Variants in IGSF1 observed in about 807,000 individuals in gnomAD.
The protein encoded by IGSF1 is immunoglobulin superfamily member 1, also known as immunoglobulin-like domain-containing protein 1.
In IGSF1, 40 loss-of-function variants were observed where a neutral mutation model predicts 95.3. That is an observed-to-expected ratio of 0.42 (90% CI 0.33 to 0.55). The LOEUF (loss-of-function observed/expected upper bound fraction) is 0.55. Among genes scored for constraint, IGSF1 ranks in the 20% least tolerant of loss-of-function variants. The probability of loss-of-function intolerance (pLI) is 0.10; values close to 1 mark genes in which losing one functional copy is unlikely to be tolerated. For missense variants in IGSF1, 906 were observed against 1,025.4 expected (o/e 0.88, Z 1.59); for synonymous variants, 372 against 382.9 (o/e 0.97, Z 0.33).
chrX:131,277,773 T>C (rs949627649), intron 13 of IGSF1, 83 bp downstream of exon 13: 3 of 1,043,983 alleles, frequency 2.9e-6, no homozygotes, highest in Non-Finnish European at 3.9e-6. Context: ...CAAAGTTTGC[T>C]GCAGGGAGAG....
chrX:131,287,904 A>G (rs906805113), intron 1 of IGSF1, among the ~76,000 whole-genome samples: 2 of 111,614 alleles, frequency 1.8e-5, no homozygotes, highest in Non-Finnish European at 3.8e-5. Flanking sequence ...CTGTTATTAA[A>G]TCTTAGCTCA....
At chrX:131,284,278 G>T in intron 5 of IGSF1, 1 of 182,240 alleles carries the variant, frequency 5.5e-6, no homozygotes, top group Non-Finnish European at 8.6e-6. Context: ...CAATTTTGCA[G>T]ATCAGGAAGC....
intron 7 of IGSF1, 125 bp downstream of exon 7, chrX:131,282,319 G>GTGTGTA (rs2031395001): frequency 3.8e-6 from 2 of 521,525 alleles, no homozygotes; most frequent in Non-Finnish European, 6.5e-6. Context: ...GCGTGTGTGT[G>GTGTGTA]TGTATGTGTG....
chrX:131,275,183 A>G lies in IGSF1; in HGVS notation c.3288T>C (p.Phe1096=). The change falls in exon 17 of 20, where the codon TTT becomes TTC. Residue 1096 remains phenylalanine (F), a synonymous_variant. Coordinates refer to ENST00000361420, the MANE Select transcript of IGSF1 (RefSeq NM_001555.5). ...QCQGELPDST[F]VLLKEGAQEP... ...CCTGAGCCCCCTCCTTCAACAGGAC[A>G]AATGTTGAGTCTGGCAGTTCCCCTT... is the stretch of plus-strand genomic sequence containing the variant. The G allele has an allele frequency of 8.3e-7, 1 of 1,211,305 alleles. No homozygotes were observed. Among genetic ancestry groups the G allele is most frequent in the Non-Finnish European group, 1.1e-6 (1 of 894,965 alleles).
At position 131,273,674 on chromosome X, in the gene IGSF1, A is replaced by G; in HGVS notation, c.*122T>C. On this transcript the variant is annotated 3_prime_UTR_variant, in exon 20 of 20. Transcript: ENST00000361420. ...TCAACTCCCAGAATCCCCTTTACCC[A>G]GCTCAGGTGATTAGAGACCAAGGAA... is the stretch of plus-strand genomic sequence containing the variant. 2.9e-6 allele frequency: 2 copies of G among 690,938 alleles called. No homozygotes were observed. The highest frequency in any genetic ancestry group is 3.1e-5 in the Admixed American group (1 of 32,643). 56.9% of individuals were successfully genotyped at this position (690,938 alleles called of 1,213,427 possible).
chrX:131,284,680 C>A lies in IGSF1; in HGVS notation c.667+499G>T, dbSNP rs948257829. 10 of 749,693 alleles carry A rather than the reference C, an allele frequency of 1.3e-5. No individual in the cohort carries two copies. The African/African-American group carries it at 2.1e-4, about 16-fold the overall frequency. 61.8% of individuals were successfully genotyped at this position (749,693 alleles called of 1,213,427 possible). Reference sequence around the variant, plus strand: ...TAGGGAACCAAGGTGATTTATAAAGCCATTTCTAAAATATGAGCTATCACA... The same window carrying A: ...TAGGGAACCAAGGTGATTTATAAAGACATTTCTAAAATATGAGCTATCACA... On this transcript the variant is annotated intron_variant, in intron 5 of 19. Coordinates refer to ENST00000361420, the MANE Select transcript of IGSF1 (RefSeq NM_001555.5).
chrX:131,281,093 G>C (rs188064515), intron 9 of IGSF1, 125 bp downstream of exon 9: 7 of 764,894 alleles, frequency 9.2e-6, no homozygotes, highest in African/African-American at 4.2e-5. Flanking sequence ...AGAAAGTCTT[G>C]TTCCCTAAGC....
Position 131,283,188 on chromosome X carries a change from G to A in IGSF1, c.744C>T (p.Cys248=), listed in dbSNP as rs142904635. The change falls in exon 6 of 20, where the codon TGC becomes TGT. Residue 248 remains cysteine, a synonymous_variant. Coordinates refer to ENST00000361420, the MANE Select transcript of IGSF1 (RefSeq NM_001555.5). The part of the protein sequence containing the change: ...MAPGESLNLR[C]QGPIYGMTFA... ...AGGTCATTCCATAGATTGGCCCTTG[G>A]CACCTGAGATTCAGGCTTTCTCCAG... The A allele has an allele frequency of 3.7e-5, 45 of 1,208,478 alleles. 1 individual carries two copies. In the African/African-American group the frequency reaches 6.5e-4, roughly 17 times the overall value.
In IGSF1 at chrX:131,286,040, G is replaced by T. The variant is rs1349637754; in HGVS notation, c.106C>A (p.Pro36Thr). The T allele has an allele frequency of 1.7e-6, 2 of 1,193,722 alleles. No individual in the cohort carries two copies. The highest frequency in any genetic ancestry group is 3.0e-5 in the East Asian group (1 of 33,579). Residue 36 changes from proline (P) to threonine (T), a missense_variant, in exon 4 of 20, where the codon CCT becomes ACT. Physicochemically the swap from Pro to Thr is conservative, Grantham distance 38. Around this residue, in one of 5 missense-constraint regions of IGSF1, gnomAD observed 442 missense variants for 448.1 expected, o/e 0.99. Coordinates refer to ENST00000361420, the MANE Select transcript of IGSF1 (RefSeq NM_001555.5). ...SLGMTSIVMD[P>T]QPELWIESNY... is the part of the protein sequence containing the mutation. ...GACTCTATCCACAACTCTGGTTGAG[G>T]GTCCATCACTGTTATTCCCAAAGAT...
chrX:131,287,654 CTCAGGAAATACGGCAAAGATAT>C (rs1400959953), intron 1 of IGSF1, among the ~76,000 whole-genome samples: 2 of 111,497 alleles, frequency 1.8e-5, no homozygotes, highest in African/African-American at 6.5e-5. Context: ...TTGTTTGAAT[CTCAGGAAATACGGCAAAGATAT>C]TTGAGTTCAG....
chrX:131,285,552 G>A, intron 4 of IGSF1, 86 bp from the exon 5 acceptor site: 1 of 1,004,723 alleles, frequency 1.0e-6, no homozygotes. Context: ...CTTTAATTGA[G>A]GTTTCCCTGT....
At position 131,282,727 on chromosome X, in the gene IGSF1, G is replaced by A. The variant is rs1341099131; in HGVS notation, c.963C>T (p.Pro321=). The A allele has an allele frequency of 4.2e-6, 5 of 1,203,879 alleles. No individual in the cohort carries two copies. The Admixed American group carries it at 6.6e-5, about 16-fold the overall frequency. The part of the protein sequence containing the change: ...VLKIWVTDTF[P]KTWLLARPSA... The stretch of plus-strand genomic sequence containing the variant: ...TGGGCCGAGCAAGTAGCCAGGTCTT[G>A]GGGAAAGTGTCTAGGATGAGACCCA... The change falls in exon 7 of 20, where the codon CCC becomes CCT. Residue 321 remains proline (P), a synonymous_variant. Coordinates refer to ENST00000361420, the MANE Select transcript of IGSF1 (RefSeq NM_001555.5).
rs774817393 is a variant in IGSF1, at chrX:131,278,045, C to G, written c.2131G>C (p.Gly711Arg). ...LRCKGWLAGM[G>R]FALYKEGEQE... ...TCTCCCTCCTTATACAGAGCAAACCCCATGCCTGCCAGCCATCCTTTGCAC... is the reference window on the plus strand; with the variant it reads ...TCTCCCTCCTTATACAGAGCAAACCGCATGCCTGCCAGCCATCCTTTGCAC... The change falls in exon 13 of 20, where the codon GGG (glycine) becomes CGG (arginine). Residue 711 changes from glycine (G) to arginine (R), a missense_variant. Physicochemically the swap from Gly to Arg is moderately radical, Grantham distance 125. This residue lies in a region of IGSF1 where 411 missense variants were observed against 494.9 expected (regional missense o/e 0.83). Coordinates refer to ENST00000361420, the MANE Select transcript of IGSF1 (RefSeq NM_001555.5). The G allele has an allele frequency of 3.3e-6, 4 of 1,210,970 alleles. No homozygotes were observed. Among genetic ancestry groups the G allele is most frequent in the Non-Finnish European group, 4.5e-6 (4 of 894,772 alleles).
In IGSF1 at chrX:131,285,098, T is replaced by A. The variant is rs775066492; in HGVS notation, c.667+81A>T. Reference sequence around the variant, plus strand: ...GGGCCTAGAAACTGGCTGAGGAAAGTAAAATCAGAAACCCTAGCTCAGCCA... The same window carrying A: ...GGGCCTAGAAACTGGCTGAGGAAAGAAAAATCAGAAACCCTAGCTCAGCCA... On this transcript the variant is annotated intron_variant, in intron 5 of 19. Transcript: ENST00000361420. 7.9e-5 allele frequency: 89 copies of A among 1,126,195 alleles called. 1 individual carries two copies. The South Asian group carries it at 2.0e-3, about 25-fold the overall frequency. The allele number at this position is 1,126,195 out of a possible 1,213,427, so 92.8% of individuals were successfully genotyped here. A position where few individuals can be genotyped will look rare whatever the true frequency, so the allele number is the denominator to read the frequency against.
rs1417077798 is a variant in IGSF1 at position 131,279,242 on chromosome X, C to T, written c.1717+29G>A. On this transcript the variant is annotated intron_variant, in intron 10 of 19. Transcript: ENST00000361420. The stretch of plus-strand genomic sequence containing the variant: ...CCGGGACTTCACCCCGGCCTTCTGC[C>T]CGGGGCCCCTTCCCCCACTTGTACT... 3.3e-6 allele frequency: 4 copies of T among 1,207,377 alleles called. No homozygotes were observed. The Admixed American group carries it at 8.7e-5, about 26-fold the overall frequency.
At position 131,282,853 on chromosome X, in the gene IGSF1, G is replaced by A. The variant is rs1245996587; in HGVS notation, c.953-116C>T. On this transcript the variant is annotated intron_variant, in intron 6 of 19. Coordinates refer to ENST00000361420, the MANE Select transcript of IGSF1 (RefSeq NM_001555.5). ...CCTTGGAAAAACCTGCCTACACCCA[G>A]TTTTACAAATTCTGCTCCCTTCTCT... The A allele has an allele frequency of 1.4e-5, 13 of 947,459 alleles. No homozygotes were observed. In the Admixed American group the frequency reaches 3.4e-4, roughly 25 times the overall value. 78.1% of individuals were successfully genotyped at this position (947,459 alleles called of 1,213,427 possible). A position where few individuals can be genotyped will look rare whatever the true frequency, so the allele number is the denominator to read the frequency against.
At position 131,282,538 on chromosome X, in the gene IGSF1, G is replaced by A. The variant is rs1226627833; in HGVS notation, c.1152C>T (p.Tyr384=). ...NTSFFLNNVT[Y]SDTGIYSCHY... ...GGCAGCTATAGATGCCAGTATCACTGTAGGTTACATTGTTGAGGAAGAATG... is the reference window on the plus strand; with the variant it reads ...GGCAGCTATAGATGCCAGTATCACTATAGGTTACATTGTTGAGGAAGAATG... Residue 384 remains tyrosine (Y), a synonymous_variant, in exon 7 of 20, where the codon TAC becomes TAT. Transcript: ENST00000361420. The A allele has an allele frequency of 2.5e-5, 30 of 1,206,970 alleles. No homozygotes were observed. Among genetic ancestry groups the A allele is most frequent in the Non-Finnish European group, 3.4e-5 (30 of 892,357 alleles).
intron 9 of IGSF1, chrX:131,280,935 G>A (rs767634636): frequency 1.6e-5 from 4 of 252,964 alleles, no homozygotes; most frequent in Non-Finnish European, 2.1e-5. Flanking sequence ...AGGGCAGGAT[G>A]GTTTGTGGGC....
Position 131,279,154 on chromosome X carries a change from A to C in IGSF1, c.1739T>G (p.Ile580Arg), listed in dbSNP as rs757757701. The change falls in exon 11 of 20, where the codon ATA becomes AGA. Residue 580 changes from isoleucine (I) to arginine (R), a missense_variant. Physicochemically the swap from Ile to Arg is moderately conservative, Grantham distance 97. Transcript: ENST00000361420. ...CAGGAAAAACTCACCAGTCTCTTCT[A>C]TCAATACCCCATTGCACAGTCCTGC... ...LCCGLCNGVL[I>R]EETEIVMPTP... 4.1e-6 allele frequency: 5 copies of C among 1,210,115 alleles called. No homozygotes were observed. In the Admixed American group the frequency reaches 6.5e-5, roughly 16 times the overall value.
Sources: gnomAD v4.1 joint callset for allele counts (sites outside exome capture counted in the v4.1 genomes callset) on GRCh38, gnomAD v4.1.1 for gene constraint, gnomAD v4.1.1 regional missense constraint, MANE v1.5 for transcripts, NCBI Gene and HGNC (gene_info 2026-07-23, HGNC 2026-07-21) for gene names.